Variants in GTF2A1L observed in about 807,000 individuals in gnomAD.
GTF2A1L encodes the protein general transcription factor IIA subunit 1 like.
GTF2A1L carries 48 observed loss-of-function variants against 49.7 expected under a neutral mutation model. The ratio of observed to expected loss-of-function variants is 0.97; its 90% CI spans 0.77 to 1.23. The LOEUF (loss-of-function observed/expected upper bound fraction) is 1.23. GTF2A1L is among the 50% of genes most tolerant of loss of function. GTF2A1L has a pLI of 0.00. For synonymous variants in GTF2A1L, 246 were observed against 193.5 expected, an observed-to-expected ratio of 1.27 and a Z score of -2.25; for missense variants, 736 against 564.8, an observed-to-expected ratio of 1.30 and a Z score of -3.07.
chr2:48,668,158 G>A (rs1678951673), intron 6 of GTF2A1L, among the ~76,000 whole-genome samples: 1 of 152,092 alleles, frequency 6.6e-6, no homozygotes, highest in African/African-American at 2.4e-5. Flanking sequence ...TTTGTCCTGT[G>A]TTTGCCTTAT....
intron 3 of GTF2A1L, among the ~76,000 whole-genome samples, chr2:48,642,038 CAT>C (rs1374892013): frequency 6.6e-6 from 1 of 152,116 alleles, no homozygotes; most frequent in African/African-American, 2.4e-5. Context: ...GTTGGGTTAA[CAT>C]ATTTATGCTC....
intron 6 of GTF2A1L, among the ~76,000 whole-genome samples, chr2:48,666,758 T>A (rs1301093075): frequency 6.6e-6 from 1 of 152,158 alleles, no homozygotes; most frequent in African/African-American, 2.4e-5. Context: ...AATTTTGTGC[T>A]AAAATTCTTG....
intron 6 of GTF2A1L, 191 bp downstream of exon 6, chr2:48,647,233 T>A (rs1200676102): frequency 5.9e-6 from 3 of 510,418 alleles, no homozygotes; most frequent in Non-Finnish European, 9.9e-6. Context: ...TAACATAAAG[T>A]TTACCAACTT....
At chr2:48,667,728 A>G (rs916570380) in intron 6 of GTF2A1L, among the ~76,000 whole-genome samples, 2 of 152,158 alleles carry the variant, frequency 1.3e-5, no homozygotes, top group African/African-American at 4.8e-5. Flanking sequence ...TCTACACAGT[A>G]TTATTTGTTG....
At chr2:48,677,784 AAT>A (rs1374798344) in intron 8 of GTF2A1L, among the ~76,000 whole-genome samples, 4 of 152,108 alleles carry the variant, frequency 2.6e-5, no homozygotes, top group African/African-American at 7.2e-5. Flanking sequence ...TTGGAATATG[AAT>A]ATGTTTTGTA....
In GTF2A1L at chr2:48,669,863, G is replaced by C; in HGVS notation, c.1120G>C (p.Gly374Arg). ...TRDADENEFL[G>R]NIDGGDLKVP... is the part of the protein sequence containing the mutation. ...AGATGCAGATGAGAATGAATTTCTA[G>C]GGAATATTGACGGGGGAGATCTGAA... The change falls in exon 7 of 9, where the codon GGG (glycine) becomes CGG (arginine). Residue 374 changes from glycine (G) to arginine (R), a missense_variant. Physicochemically the swap from Gly to Arg is moderately radical, Grantham distance 125. Transcript: ENST00000403751. 1 of 1,614,032 alleles carries C rather than the reference G, an allele frequency of 6.2e-7. No individual in the cohort carries two copies. The highest frequency in any genetic ancestry group is 1.1e-5 in the South Asian group (1 of 91,072).
At chr2:48,667,252 C>T (rs973672121) in intron 6 of GTF2A1L, among the ~76,000 whole-genome samples, 6 of 151,972 alleles carry the variant, frequency 3.9e-5, no homozygotes, top group Non-Finnish European at 5.9e-5. Flanking sequence ...AGTGGCCATG[C>T]CCAGCCTCAT....
intron 6 of GTF2A1L, among the ~76,000 whole-genome samples, chr2:48,669,214 G>A (rs1222481598): frequency 6.6e-6 from 1 of 151,946 alleles, no homozygotes; most frequent in Non-Finnish European, 1.5e-5. Flanking sequence ...TAGTAACCTC[G>A]ATTTTACTTT....
chr2:48,648,947 A>G lies in GTF2A1L; in HGVS notation c.978+1905A>G, dbSNP rs562672507. On this transcript the variant is annotated intron_variant, in intron 6 of 8. Coordinates refer to ENST00000403751, the MANE Select transcript of GTF2A1L (RefSeq NM_006872.5). ...GACTTTACAAGTAGTTTTTCTTTTT[A>G]TAAGTAACTTAAAGCAAGTTATAAT... 1.8e-3 allele frequency among the ~76,000 whole-genome samples: 272 copies of G among 152,228 alleles called. 1 individual carries two copies. Among genetic ancestry groups the G allele is most frequent in the Admixed American group, 4.1e-3 (63 of 15,280 alleles).
chr2:48,662,020 T>C (rs2104274593), intron 6 of GTF2A1L, among the ~76,000 whole-genome samples: 1 of 152,352 alleles, frequency 6.6e-6, no homozygotes, highest in Non-Finnish European at 1.5e-5. Context: ...TTGGTTTCCC[T>C]TCTCATTTCC....
chr2:48,670,064 A>G, intron 7 of GTF2A1L, 82 bp downstream of exon 7: 1 of 1,503,594 alleles, frequency 6.7e-7, no homozygotes, highest in Non-Finnish European at 8.9e-7. Flanking sequence ...CAAAAGGAAT[A>G]GCAAGATTAA....
At chr2:48,635,136 A>T (rs574729640) in intron 3 of GTF2A1L, among the ~76,000 whole-genome samples, 4 of 152,166 alleles carry the variant, frequency 2.6e-5, no homozygotes, top group East Asian at 3.9e-4. Context: ...CTGCATCAAG[A>T]TCTCTGCATA....
intron 6 of GTF2A1L, among the ~76,000 whole-genome samples, chr2:48,667,411 G>A (rs2104295504): frequency 6.6e-6 from 1 of 152,258 alleles, no homozygotes; most frequent in East Asian, 1.9e-4. Flanking sequence ...ATTTCAGGCT[G>A]CTTCAAGAAA....
intron 6 of GTF2A1L, chr2:48,647,256 G>A: frequency 2.2e-6 from 1 of 465,100 alleles, no homozygotes; most frequent in Admixed American, 3.9e-5. Context: ...CCATTTTTAA[G>A]TGTACAGATC....
intron 6 of GTF2A1L, among the ~76,000 whole-genome samples, chr2:48,661,613 G>T (rs375252939): frequency 6.6e-6 from 1 of 151,768 alleles, no homozygotes; most frequent in Non-Finnish European, 1.5e-5. Flanking sequence ...TTGTTATATC[G>T]TCTTGGTATA....
At chr2:48,674,639 A>G (rs1006379791) in intron 8 of GTF2A1L, among the ~76,000 whole-genome samples, 4 of 152,192 alleles carry the variant, frequency 2.6e-5, no homozygotes, top group Non-Finnish European at 4.4e-5. Flanking sequence ...AAAAAACATT[A>G]TAAGGTACTT....
intron 6 of GTF2A1L, among the ~76,000 whole-genome samples, chr2:48,649,455 A>G (rs1045576057): frequency 6.6e-6 from 1 of 152,152 alleles, no homozygotes; most frequent in Non-Finnish European, 1.5e-5. Flanking sequence ...CAATCCATCC[A>G]TCCTAGAGGT....
In GTF2A1L at chr2:48,628,156, T is replaced by C. The variant is rs116219363; in HGVS notation, c.247+6866T>C. ...GGGCACCTGGATTGGTTGCATGTCA[T>C]TGCTGTTGTGAATAGTACTGTGATG... On this transcript the variant is annotated intron_variant, in intron 3 of 8. Transcript: ENST00000403751. Among the ~76,000 whole-genome samples, 1,307 of 144,176 alleles carry C rather than the reference T, an allele frequency of 9.1e-3. 96 individuals are homozygous for C. The highest frequency in any genetic ancestry group is 0.031 in the African/African-American group (1,261 of 40,556). 94.6% of individuals were successfully genotyped at this position (144,176 alleles called of 152,430 possible).
At chr2:48,648,827 G>C (rs931828364) in intron 6 of GTF2A1L, among the ~76,000 whole-genome samples, 1 of 152,068 alleles carries the variant, frequency 6.6e-6, no homozygotes. Flanking sequence ...AAATCCAAAC[G>C]TACAAGAGTA....
Sources: gnomAD v4.1 joint callset for allele counts (sites outside exome capture counted in the v4.1 genomes callset) on GRCh38, gnomAD v4.1.1 for gene constraint, MANE v1.5 for transcripts, NCBI Gene and HGNC (gene_info 2026-07-23, HGNC 2026-07-21) for gene names.